The following CASK variants were observed in gnomAD, a reference collection of about 807,000 sequenced individuals.
The protein encoded by CASK is peripheral plasma membrane protein CASK.
Under a neutral mutation model 82.9 loss-of-function variants are expected in CASK, and 4 were observed. The observed-to-expected ratio is 0.05, with a 90% CI of 0.02 to 0.11. CASK has a LOEUF of 0.11. Among genes scored for constraint, CASK ranks in the 10% least tolerant of loss-of-function variants. The pLI is 1.00. For missense variants in CASK, 358 were observed against 720.9 expected (o/e 0.50, Z 5.76); for synonymous variants, 259 against 253.5 (o/e 1.02, Z -0.20).
intron 24 of CASK, 87 bp from the exon 25 acceptor site, chrX:41,531,296 T>C (rs1407300328): frequency 1.2e-5 from 9 of 754,597 alleles, no homozygotes; most frequent in Middle Eastern, 2.8e-4. Flanking sequence ...ACCCAGTCTC[T>C]TCCTAAAAGC....
intron 1 of CASK, among the ~76,000 whole-genome samples, chrX:41,856,395 A>G (rs971249593): frequency 9.0e-6 from 1 of 111,499 alleles, no homozygotes; most frequent in East Asian, 2.8e-4. Flanking sequence ...GATAATAAGG[A>G]AAGTTCAGAA....
intron 3 of CASK, among the ~76,000 whole-genome samples, chrX:41,766,198 T>G (rs965178378): frequency 8.9e-6 from 1 of 111,955 alleles, no homozygotes; most frequent in South Asian, 3.7e-4. Flanking sequence ...ACCCAGGGTT[T>G]TGATTGTGCA....
intron 5 of CASK, among the ~76,000 whole-genome samples, chrX:41,700,823 G>T (rs1191045572): frequency 9.7e-6 from 1 of 102,656 alleles, no homozygotes; most frequent in Non-Finnish European, 2.0e-5. Flanking sequence ...CAGGTGATCC[G>T]CCCGCCTTTG....
At position 41,923,112 on chromosome X, in the gene CASK, G is replaced by T; in HGVS notation, c.-124C>A. On this transcript the variant is annotated 5_prime_UTR_variant, in exon 1 of 27. Coordinates refer to ENST00000378163, the MANE Select transcript of CASK (RefSeq NM_001367721.1). ...TCAGGACCCGCGAGCCCTCGGTGCCGAGGACGCTCGAGTGGGGCCGCGAGG... is the reference window on the plus strand; with the variant it reads ...TCAGGACCCGCGAGCCCTCGGTGCCTAGGACGCTCGAGTGGGGCCGCGAGG... The T allele has an allele frequency of 1.9e-6, 1 of 532,129 alleles. No homozygotes were observed. The highest frequency in any genetic ancestry group is 3.1e-6 in the Non-Finnish European group (1 of 324,394). 43.9% of individuals were successfully genotyped at this position (532,129 alleles called of 1,213,427 possible).
At chrX:41,743,886 T>C (rs1285752029) in intron 4 of CASK, 1 of 260,614 alleles carries the variant, frequency 3.8e-6, no homozygotes, top group Non-Finnish European at 6.8e-6. Flanking sequence ...GGCGTGCGGA[T>C]CACTTGAGGT....
intron 1 of CASK, among the ~76,000 whole-genome samples, chrX:41,898,953 A>G (rs903468275): frequency 2.7e-5 from 3 of 111,977 alleles, no homozygotes; most frequent in East Asian, 5.6e-4. Context: ...TTTGGCCTAC[A>G]GTGTAGTACA....
chrX:41,869,477 T>A (rs1359758968), intron 1 of CASK, among the ~76,000 whole-genome samples: 4 of 110,725 alleles, frequency 3.6e-5, no homozygotes, highest in African/African-American at 1.3e-4. Flanking sequence ...TATCTTAGAA[T>A]TAGCAAAAAT....
At position 41,813,422 on chromosome X, in the gene CASK, C is replaced by T. The variant is rs756919261; in HGVS notation, c.173-26139G>A. Among the ~76,000 whole-genome samples, 6 of 110,781 alleles carry T rather than the reference C, an allele frequency of 5.4e-5. No individual in the cohort carries two copies. The South Asian group carries it at 2.3e-3, about 43-fold the overall frequency. ...TAGACCAATGGAACAGAACAGAGCC[C>T]TCAGAAATAATACCACACATCTACA... On this transcript the variant is annotated intron_variant, in intron 2 of 26. Coordinates refer to ENST00000378163, the MANE Select transcript of CASK (RefSeq NM_001367721.1).
At chrX:41,736,862 A>G (rs755376575) in intron 5 of CASK, among the ~76,000 whole-genome samples, 2 of 111,882 alleles carry the variant, frequency 1.8e-5, no homozygotes, top group East Asian at 5.6e-4. Context: ...CTCCCCCAGG[A>G]AACTTCTCTG....
intron 8 of CASK, chrX:41,660,035 G>C: frequency 6.6e-6 from 1 of 151,413 alleles, no homozygotes; most frequent in African/African-American, 3.2e-5. Flanking sequence ...TCCTAAGACA[G>C]AAAATTTATA....
rs73193142 is a variant in CASK, at chrX:41,830,307, T to C, written c.172+22808A>G. Among the ~76,000 whole-genome samples the C allele has an allele frequency of 7.7e-3, 858 of 110,922 alleles. 5 individuals are homozygous for C. Among genetic ancestry groups the C allele is most frequent in the Non-Finnish European group, 0.012 (622 of 52,928 alleles). On this transcript the variant is annotated intron_variant, in intron 2 of 26. Coordinates refer to ENST00000378163, the MANE Select transcript of CASK (RefSeq NM_001367721.1). Reference sequence around the variant, plus strand: ...GAGCCACTGTGCCCAGCCTCTGAAATACCTTTCAAGTCTTTTGTCCATCTC... The same window carrying C: ...GAGCCACTGTGCCCAGCCTCTGAAACACCTTTCAAGTCTTTTGTCCATCTC...
intron 22 of CASK, among the ~76,000 whole-genome samples, chrX:41,540,962 G>A (rs767217570): frequency 8.9e-5 from 10 of 112,310 alleles, no homozygotes; most frequent in Non-Finnish European, 1.7e-4. Context: ...CTGACAGCCT[G>A]AACCAGCCAT....
intron 11 of CASK, among the ~76,000 whole-genome samples, chrX:41,620,091 G>C (rs2066264007): frequency 8.9e-6 from 1 of 112,104 alleles, no homozygotes; most frequent in African/African-American, 3.2e-5. Flanking sequence ...AGTTTTCACT[G>C]TAATTGTTTC....
At chrX:41,614,810 C>T (rs1244144422) in intron 11 of CASK, among the ~76,000 whole-genome samples, 1 of 109,533 alleles carries the variant, frequency 9.1e-6, no homozygotes, top group Non-Finnish European at 1.9e-5. Context: ...TGAGCCACTG[C>T]GCCTGGCCTG....
At chrX:41,582,520 G>T (rs990776463) in intron 14 of CASK, among the ~76,000 whole-genome samples, 1 of 110,306 alleles carries the variant, frequency 9.1e-6, no homozygotes, top group Non-Finnish European at 1.9e-5. Flanking sequence ...TCACCATGTT[G>T]GCCAGGCTGG....
At chrX:41,895,938 A>T (rs2072262675) in intron 1 of CASK, among the ~76,000 whole-genome samples, 1 of 111,555 alleles carries the variant, frequency 9.0e-6, no homozygotes, top group South Asian at 3.8e-4. Context: ...ACATACTCTC[A>T]CTCCAACCAG....
intron 1 of CASK, among the ~76,000 whole-genome samples, chrX:41,880,603 C>A: frequency 8.9e-6 from 1 of 111,821 alleles, no homozygotes; most frequent in Middle Eastern, 4.6e-3. Context: ...CACACTTAAA[C>A]CTTCTCTTCA....
intron 5 of CASK, among the ~76,000 whole-genome samples, chrX:41,679,547 A>G (rs2067318294): frequency 8.9e-6 from 1 of 112,185 alleles, no homozygotes; most frequent in African/African-American, 3.2e-5. Context: ...GTTTTTGGAT[A>G]TTATGAATAA....
chrX:41,661,139 C>T (rs2067025248), intron 7 of CASK, among the ~76,000 whole-genome samples: 2 of 111,672 alleles, frequency 1.8e-5, no homozygotes, highest in Admixed American at 1.9e-4. Context: ...AACTAAGCCA[C>T]ATGGTATATT....
Sources: gnomAD v4.1 joint callset for allele counts (sites outside exome capture counted in the v4.1 genomes callset) on GRCh38, gnomAD v4.1.1 for gene constraint, MANE v1.5 for transcripts, NCBI Gene and HGNC (gene_info 2026-07-23, HGNC 2026-07-21) for gene names.